The following PEX14 variants were observed in gnomAD, a reference collection of about 807,000 sequenced individuals.
PEX14 encodes the protein peroxisomal membrane protein PEX14.
A neutral mutation model predicts 49.5 loss-of-function variants in PEX14; 15 were observed. The ratio of observed to expected loss-of-function variants is 0.30; its 90% CI spans 0.20 to 0.47. PEX14 has a LOEUF of 0.47. Among genes scored for constraint, PEX14 ranks in the 20% least tolerant of loss-of-function variants. The probability of loss-of-function intolerance (pLI) is 1.00; values close to 1 mark genes in which losing one functional copy is unlikely to be tolerated. For missense variants in PEX14, 398 were observed against 494.8 expected (o/e 0.80, Z 1.86); for synonymous variants, 210 against 212.7 (o/e 0.99, Z 0.11).
At chr1:10,599,859 G>A (rs770039197) in intron 4 of PEX14, among the ~76,000 whole-genome samples, 1 of 152,118 alleles carries the variant, frequency 6.6e-6, no homozygotes, top group Non-Finnish European at 1.5e-5. Flanking sequence ...CGTTTATGTA[G>A]TAGCGGTCTG....
chr1:10,523,825 TAA>T (rs59324356), intron 2 of PEX14, among the ~76,000 whole-genome samples: 88,190 of 132,126 alleles, frequency 0.67, 30,937 homozygotes, highest in Non-Finnish European at 0.79. Flanking sequence ...TCCTTTTAGT[TAA>T]AAAAAAAAAA....
At chr1:10,490,459 G>A (rs1056563719) in intron 1 of PEX14, among the ~76,000 whole-genome samples, 2 of 152,230 alleles carry the variant, frequency 1.3e-5, no homozygotes, top group African/African-American at 4.8e-5. Context: ...ACGCCTTCCA[G>A]TTGGGGAAGG....
chr1:10,608,014 C>G (rs1323539507), intron 4 of PEX14, among the ~76,000 whole-genome samples: 2 of 152,176 alleles, frequency 1.3e-5, no homozygotes, highest in East Asian at 3.9e-4. Context: ...GTCACCCAGG[C>G]TGGAATGCAA....
At position 10,629,988 on chromosome 1, in the gene PEX14, G is replaced by GGCT; in HGVS notation, c.*4_*6dup. 1 of 1,608,256 alleles carries GGCT rather than the reference G, an allele frequency of 6.2e-7. No individual in the cohort carries two copies. Among genetic ancestry groups the GGCT allele is most frequent in the Non-Finnish European group, 8.5e-7 (1 of 1,179,388 alleles). On this transcript the variant is annotated 3_prime_UTR_variant, in exon 9 of 9. Transcript: ENST00000356607. This position sits in a 1 kb window ranked among gnomAD's most constrained non-coding sequence, Gnocchi z 8.5. ...CAGCAACGAGAGTGAGCGGGACTAG[G>GGCT]GCTGCGCCTGCTGCCTCCAGCCCTG...
chr1:10,517,738 G>A (rs1641996808), intron 2 of PEX14, among the ~76,000 whole-genome samples: 1 of 150,396 alleles, frequency 6.6e-6, no homozygotes, highest in Non-Finnish European at 1.5e-5. Context: ...CGAGAGGCTA[G>A]CATTGTCAGA....
intron 2 of PEX14, among the ~76,000 whole-genome samples, chr1:10,518,763 C>T (rs535542049): frequency 6.6e-5 from 10 of 152,296 alleles, no homozygotes; most frequent in Admixed American, 1.3e-4. Context: ...GCGTTCCCAG[C>T]CCTTGCCCGA....
In PEX14 at chr1:10,605,049, C is replaced by T. The variant is rs188717095; in HGVS notation, c.298+5683C>T. 2.8e-3 allele frequency among the ~76,000 whole-genome samples: 422 copies of T among 152,206 alleles called. 6 individuals carry two copies. The highest frequency in any genetic ancestry group is 2.2e-3 in the Non-Finnish European group (151 of 68,020). On this transcript the variant is annotated intron_variant, in intron 4 of 8. Transcript: ENST00000356607. ...CCTCAGGCCCCTAGACTCCCCACCC[C>T]GCCCCACTGCACTTAAACATTTATT...
chr1:10,540,798 G>A (rs1240755432), intron 3 of PEX14, among the ~76,000 whole-genome samples: 1 of 152,128 alleles, frequency 6.6e-6, no homozygotes, highest in Non-Finnish European at 1.5e-5. Flanking sequence ...GCTTGCGTGT[G>A]GCCCATTTCC....
chr1:10,513,808 C>T (rs1262248622), intron 2 of PEX14, among the ~76,000 whole-genome samples: 2 of 152,052 alleles, frequency 1.3e-5, no homozygotes, highest in Non-Finnish European at 2.9e-5. Flanking sequence ...GCTATATTGA[C>T]TGGGAAAGGG....
intron 3 of PEX14, among the ~76,000 whole-genome samples, chr1:10,558,943 G>A (rs1262800412): frequency 6.6e-6 from 1 of 151,788 alleles, no homozygotes; most frequent in Non-Finnish European, 1.5e-5. Context: ...TATTCTTCTT[G>A]CTTTAGGATA....
chr1:10,553,182 G>A (rs1168414871), intron 3 of PEX14, among the ~76,000 whole-genome samples: 1 of 152,222 alleles, frequency 6.6e-6, no homozygotes, highest in East Asian at 1.9e-4. Context: ...TTACGGGGAT[G>A]GAGAGGATGG....
chr1:10,530,024 C>G (rs1041542028), intron 2 of PEX14, among the ~76,000 whole-genome samples: 3 of 152,152 alleles, frequency 2.0e-5, no homozygotes, highest in Non-Finnish European at 2.9e-5. Context: ...AGGAGGCTAC[C>G]TGAGTACAAC....
At chr1:10,560,959 G>A (rs1300106276) in intron 3 of PEX14, among the ~76,000 whole-genome samples, 3 of 151,818 alleles carry the variant, frequency 2.0e-5, no homozygotes, top group Non-Finnish European at 2.9e-5. Flanking sequence ...CTTGTGATTC[G>A]CCTGCCCTCG....
chr1:10,574,007 C>T (rs2124555509), intron 3 of PEX14, among the ~76,000 whole-genome samples: 1 of 152,296 alleles, frequency 6.6e-6, no homozygotes, highest in Middle Eastern at 3.4e-3. Context: ...GAGGCTGAGG[C>T]AGGATAATCG....
At chr1:10,609,735 A>T (rs1312799021) in intron 4 of PEX14, among the ~76,000 whole-genome samples, 2 of 152,144 alleles carry the variant, frequency 1.3e-5, no homozygotes, top group Non-Finnish European at 2.9e-5. Context: ...ACGTACAAAA[A>T]TTAGCTGGCC....
intron 2 of PEX14, among the ~76,000 whole-genome samples, chr1:10,518,762 GC>G (rs1484951808): frequency 6.6e-6 from 1 of 152,154 alleles, no homozygotes; most frequent in Non-Finnish European, 1.5e-5. Flanking sequence ...TGCGTTCCCA[GC>G]CCTTGCCCGA....
At chr1:10,506,365 G>C (rs1397529943) in intron 2 of PEX14, among the ~76,000 whole-genome samples, 1 of 152,150 alleles carries the variant, frequency 6.6e-6, no homozygotes, top group Admixed American at 6.5e-5. Flanking sequence ...TGCAACCTCT[G>C]CCTCCCAGGT....
rs151018410 is a variant in PEX14 at position 10,553,674 on chromosome 1, T to C, written c.169+17377T>C. On this transcript the variant is annotated intron_variant, in intron 3 of 8. Transcript: ENST00000356607. ...TCCAAGAAGAGAAGGTCCCACTGATTTGGGTCATGGTCAGAGTGGGCCGCT... is the reference window on the plus strand; with the variant it reads ...TCCAAGAAGAGAAGGTCCCACTGATCTGGGTCATGGTCAGAGTGGGCCGCT... 9.3e-4 allele frequency among the ~76,000 whole-genome samples: 142 copies of C among 152,212 alleles called. 1 individual carries two copies. The highest frequency in any genetic ancestry group is 2.8e-3 in the African/African-American group (116 of 41,546).
intron 2 of PEX14, among the ~76,000 whole-genome samples, chr1:10,521,040 G>T (rs1277542536): frequency 5.7e-5 from 7 of 123,698 alleles, no homozygotes; most frequent in South Asian, 5.2e-4. Flanking sequence ...TTTTTTCTTT[G>T]GAAACAGGAA....
Sources: gnomAD v4.1 joint callset for allele counts (sites outside exome capture counted in the v4.1 genomes callset) on GRCh38, gnomAD v4.1.1 for gene constraint, Gnocchi (gnomAD v3.1) non-coding constraint, MANE v1.5 for transcripts, NCBI Gene and HGNC (gene_info 2026-07-23, HGNC 2026-07-21) for gene names.